Variants in TMCO5A observed in about 807,000 individuals in gnomAD.
TMCO5A encodes transmembrane and coiled-coil domain-containing protein 5A.
TMCO5A carries 34 observed loss-of-function variants against 42.3 expected under a neutral mutation model. The observed-to-expected ratio is 0.80, with a 90% CI of 0.61 to 1.07. The LOEUF (loss-of-function observed/expected upper bound fraction) is 1.07, where lower values mean the gene tolerates loss of function less well. Among genes scored for constraint, TMCO5A ranks in the 50% least tolerant of loss-of-function variants. TMCO5A has a pLI of 0.00. For missense variants in TMCO5A, 357 were observed against 327.9 expected (o/e 1.09, Z -0.69); for synonymous variants, 131 against 115.6 (o/e 1.13, Z -0.86).
downstream of TMCO5A, among the ~76,000 whole-genome samples, chr15:37,955,618 A>T (rs934802448): frequency 2.6e-5 from 4 of 152,164 alleles, no homozygotes; most frequent in African/African-American, 9.7e-5. Context: ...ACCTACAAAG[A>T]GACTTAAACT....
rs560929925 is a variant in TMCO5A, at chr15:37,964,894, C to T, written c.669-1731C>T. Among the ~76,000 whole-genome samples the T allele has an allele frequency of 2.0e-5, 3 of 152,158 alleles. No homozygotes were observed. The South Asian group carries it at 6.2e-4, about 32-fold the overall frequency. On this transcript the variant is annotated intron_variant, in intron 11 of 11. Transcript: ENST00000559502. Reference sequence around the variant, plus strand: ...ATCAAAATACCAACGACATTCTTCACATAAATTTAAAAAAACTATTCTAAA... The same window carrying T: ...ATCAAAATACCAACGACATTCTTCATATAAATTTAAAAAAACTATTCTAAA...
chr15:38,039,769 T>G, the TMCO5A span, among the ~76,000 whole-genome samples: 1 of 83,502 alleles, frequency 1.2e-5, no homozygotes, highest in Non-Finnish European at 3.8e-5. Flanking sequence ...TCGACTGTTC[T>G]TAATGTTGCA....
the TMCO5A span, among the ~76,000 whole-genome samples, chr15:38,000,124 A>G: frequency 3.1e-3 from 476 of 152,284 alleles, 7 homozygotes; most frequent in African/African-American, 0.011. Context: ...GCTTGGTAGA[A>G]TTCAGCAATG....
chr15:38,014,638 T>A, the TMCO5A span, among the ~76,000 whole-genome samples: 1 of 151,992 alleles, frequency 6.6e-6, no homozygotes, highest in South Asian at 2.1e-4. Flanking sequence ...TGTGCACACA[T>A]GTTCTACCCC....
In TMCO5A at chr15:37,951,162, C is replaced by A. The variant is rs1010463573; in HGVS notation, c.795C>A (p.Ser265Arg). Residue 265 changes from serine to arginine, a missense_variant, in exon 12 of 12, where the codon AGC becomes AGA. Ser to Arg is a moderately radical substitution (Grantham distance 110, BLOSUM62 -1). Transcript: ENST00000319669. ...VNVLPKVLGR[S>R]TLWKLRCFFF... ...TACTGCCCAAGGTACTGGGCAGGAG[C>A]ACCTTGTGGAAGCTCAGATGCTTCT... The A allele has an allele frequency of 2.5e-6, 4 of 1,613,794 alleles. No individual in the cohort carries two copies. The highest frequency in any genetic ancestry group is 3.4e-6 in the Non-Finnish European group (4 of 1,179,848).
the TMCO5A span, among the ~76,000 whole-genome samples, chr15:37,974,502 G>C: frequency 1.3e-5 from 2 of 152,152 alleles, no homozygotes; most frequent in African/African-American, 4.8e-5. Flanking sequence ...AGGTTTCCAA[G>C]AATTTATCCA....
the TMCO5A span, among the ~76,000 whole-genome samples, chr15:38,007,400 G>A: frequency 6.6e-6 from 1 of 152,180 alleles, no homozygotes; most frequent in Non-Finnish European, 1.5e-5. Context: ...ACTTCTACCT[G>A]AAATATCTCC....
the TMCO5A span, among the ~76,000 whole-genome samples, chr15:37,981,020 A>G: frequency 6.6e-6 from 1 of 152,136 alleles, no homozygotes; most frequent in Non-Finnish European, 1.5e-5. Context: ...AAAACAGTTC[A>G]AAAGTTATTG....
At chr15:38,015,256 G>C in the TMCO5A span, among the ~76,000 whole-genome samples, 2 of 152,176 alleles carry the variant, frequency 1.3e-5, no homozygotes, top group East Asian at 3.9e-4. Flanking sequence ...CAAGTTGACA[G>C]TATTAACCAT....
the TMCO5A span, among the ~76,000 whole-genome samples, chr15:37,995,990 G>A: frequency 2.6e-5 from 4 of 152,156 alleles, no homozygotes; most frequent in Non-Finnish European, 5.9e-5. Context: ...GCTGTATACT[G>A]TAGCCAAGGC....
chr15:37,976,261 T>A, the TMCO5A span, among the ~76,000 whole-genome samples: 2 of 151,382 alleles, frequency 1.3e-5, no homozygotes, highest in African/African-American at 4.9e-5. Flanking sequence ...AAAAAAAAGA[T>A]CTTATTTTTT....
chr15:37,963,394 A>C (rs1388221672), intron 11 of TMCO5A, among the ~76,000 whole-genome samples: 1 of 152,024 alleles, frequency 6.6e-6, no homozygotes. Context: ...TTCCAGTTTT[A>C]TTCCACTGTG....
At chr15:37,982,547 TTATG>T in the TMCO5A span, among the ~76,000 whole-genome samples, 90 of 138,052 alleles carry the variant, frequency 6.5e-4, no homozygotes, top group African/African-American at 2.1e-3. Flanking sequence ...TTATATATTA[TTATG>T]ATATATAATT....
At chr15:37,944,284 C>T (rs1173970647) in intron 10 of TMCO5A, 1 of 152,026 alleles carries the variant, frequency 6.6e-6, no homozygotes, top group Non-Finnish European at 1.5e-5. Context: ...AAACAAAATC[C>T]CTGAAATTAA....
the TMCO5A span, among the ~76,000 whole-genome samples, chr15:38,016,887 G>A: frequency 6.6e-6 from 1 of 152,044 alleles, no homozygotes; most frequent in East Asian, 1.9e-4. Flanking sequence ...CATACCATAG[G>A]GGTTAGACAC....
chr15:38,010,383 C>CAAAAAAA, the TMCO5A span, among the ~76,000 whole-genome samples: 1 of 40,326 alleles, frequency 2.5e-5, no homozygotes, highest in African/African-American at 9.4e-5. Flanking sequence ...ACTCCGTCTC[C>CAAAAAAA]AAAAAAAAAA....
intron 11 of TMCO5A, among the ~76,000 whole-genome samples, chr15:37,963,238 T>C (rs1358269842): frequency 6.6e-6 from 1 of 152,162 alleles, no homozygotes; most frequent in Non-Finnish European, 1.5e-5. Context: ...TCAGATGTTT[T>C]GACAGGTTGT....
chr15:37,961,301 C>G (rs1890421512), intron 11 of TMCO5A, among the ~76,000 whole-genome samples: 1 of 152,060 alleles, frequency 6.6e-6, no homozygotes. Flanking sequence ...AAAAGGTGTC[C>G]TTTCCCCATA....
At chr15:38,025,383 T>A in the TMCO5A span, among the ~76,000 whole-genome samples, 2 of 152,064 alleles carry the variant, frequency 1.3e-5, no homozygotes, top group South Asian at 4.2e-4. Flanking sequence ...TCCAAAAAGG[T>A]ACACAAAGAC....
Sources: allele counts gnomAD v4.1 joint callset (sites outside exome capture counted in the v4.1 genomes callset), GRCh38; gene constraint gnomAD v4.1.1; transcripts MANE v1.5; gene names NCBI Gene and HGNC (gene_info 2026-07-23, HGNC 2026-07-21).